MSRB2: variants seen among roughly 807,000 people sequenced by gnomAD.
The protein encoded by MSRB2 is methionine-R-sulfoxide reductase B2, mitochondrial.
In MSRB2, 17 loss-of-function variants were observed where a neutral mutation model predicts 19.0. The ratio of observed to expected loss-of-function variants is 0.89; its 90% CI spans 0.61 to 1.34. The LOEUF is 1.34. Ranked by LOEUF, MSRB2 falls within the 40% of genes most tolerant of loss-of-function variation. The probability of loss-of-function intolerance (pLI) is 0.00; values close to 1 mark genes in which losing one functional copy is unlikely to be tolerated. For missense variants in MSRB2, 208 were observed against 237.6 expected (o/e 0.88, Z 0.82); for synonymous variants, 107 against 99.7 (o/e 1.07, Z -0.44).
At chr10:23,118,767 G>A (rs1840146178) in intron 3 of MSRB2, among the ~76,000 whole-genome samples, 1 of 152,180 alleles carries the variant, frequency 6.6e-6, no homozygotes, top group Non-Finnish European at 1.5e-5. Flanking sequence ...TGAGCAAACT[G>A]AGGCTTCAAG....
At chr10:23,110,346 A>G in intron 3 of MSRB2, 28 bp downstream of exon 3, 1 of 1,582,210 alleles carries the variant, frequency 6.3e-7, no homozygotes, top group South Asian at 1.1e-5. Flanking sequence ...GAGCCACGGA[A>G]GGAGACCAAA....
intron 3 of MSRB2, among the ~76,000 whole-genome samples, chr10:23,116,500 G>T (rs1374602781): frequency 6.6e-6 from 1 of 152,156 alleles, no homozygotes; most frequent in Non-Finnish European, 1.5e-5. Flanking sequence ...TTATTTGGGG[G>T]TAGAAACTTA....
chr10:23,116,259 C>T (rs568304219), intron 3 of MSRB2, among the ~76,000 whole-genome samples: 28 of 152,256 alleles, frequency 1.8e-4, no homozygotes, highest in African/African-American at 5.8e-4. Context: ...TTTATTTCTT[C>T]TAAAGGGTTA....
intron 3 of MSRB2, among the ~76,000 whole-genome samples, chr10:23,112,834 T>C (rs926122864): frequency 1.3e-5 from 2 of 152,184 alleles, no homozygotes; most frequent in African/African-American, 4.8e-5. Context: ...TCCACCCGCT[T>C]TGGCCTCCCA....
At chr10:23,106,596 T>G (rs1839989578) in intron 2 of MSRB2, among the ~76,000 whole-genome samples, 1 of 152,158 alleles carries the variant, frequency 6.6e-6, no homozygotes, top group Admixed American at 6.5e-5. Context: ...AAAGGTGGGA[T>G]GGAGAAATCG....
At chr10:23,108,634 C>G (rs1353115696) in intron 2 of MSRB2, among the ~76,000 whole-genome samples, 1 of 151,902 alleles carries the variant, frequency 6.6e-6, no homozygotes, top group Non-Finnish European at 1.5e-5. Context: ...CTCCACCATG[C>G]CTGGCATTTT....
intron 1 of MSRB2, among the ~76,000 whole-genome samples, chr10:23,101,683 G>T (rs11591816): frequency 1.3e-5 from 2 of 152,152 alleles, no homozygotes; most frequent in Admixed American, 6.5e-5. Flanking sequence ...ACTGGGGAAA[G>T]ATGGTTCCAT....
At chr10:23,100,715 T>G (rs191287184) in intron 1 of MSRB2, among the ~76,000 whole-genome samples, 3 of 152,282 alleles carry the variant, frequency 2.0e-5, no homozygotes, top group Admixed American at 1.3e-4. Flanking sequence ...TATGTCCCCA[T>G]GATTTAATCA....
intron 3 of MSRB2, among the ~76,000 whole-genome samples, chr10:23,112,329 A>G (rs901137812): frequency 1.3e-5 from 2 of 152,212 alleles, no homozygotes; most frequent in African/African-American, 4.8e-5. Flanking sequence ...AGATGCACTC[A>G]TTTATGGGAG....
chr10:23,096,352 C>CTCTCTGTGTGTGTGTG (rs144653384), intron 1 of MSRB2, among the ~76,000 whole-genome samples: 22,524 of 142,658 alleles, frequency 0.16, 1,950 homozygotes, highest in South Asian at 0.2. Flanking sequence ...CTCTCTCTCT[C>CTCTCTGTGTGTGTGTG]TGTGTGTGTG....
chr10:23,109,415 C>CTA (rs1189972971), intron 2 of MSRB2, among the ~76,000 whole-genome samples: 1 of 151,948 alleles, frequency 6.6e-6, no homozygotes, highest in Non-Finnish European at 1.5e-5. Flanking sequence ...TGGTGGCGTG[C>CTA]ACCTGTAGTC....
At chr10:23,106,170 A>C (rs1839985348) in intron 2 of MSRB2, among the ~76,000 whole-genome samples, 1 of 152,220 alleles carries the variant, frequency 6.6e-6, no homozygotes, top group Admixed American at 6.5e-5. Context: ...AGCATCATTC[A>C]TTATTTTAAC....
chr10:23,121,900 A>G lies in MSRB2; in HGVS notation c.*1038A>G, dbSNP rs562524560. 6.6e-6 allele frequency: 1 copy of G among 152,136 alleles called. No individual in the cohort carries two copies. The highest frequency in any genetic ancestry group is 1.5e-5 in the Non-Finnish European group (1 of 68,020). The allele number at this position is 152,136 out of a possible 1,614,324, so 9.4% of individuals were successfully genotyped here. ...TTCCAACCATTCTACCCACAAATAA[A>G]CTGCAATAGGACTTGGTTAGATTTC... On this transcript the variant is annotated 3_prime_UTR_variant, in exon 5 of 5. Transcript: ENST00000376510.
intron 1 of MSRB2, among the ~76,000 whole-genome samples, chr10:23,101,961 T>C (rs1404724297): frequency 1.3e-5 from 2 of 152,244 alleles, no homozygotes; most frequent in Non-Finnish European, 2.9e-5. Context: ...TGTCTCTGTC[T>C]TTCATGACCT....
chr10:23,110,446 AT>A, intron 3 of MSRB2, 128 bp downstream of exon 3: 1 of 714,254 alleles, frequency 1.4e-6, no homozygotes, highest in South Asian at 1.9e-5. Context: ...TGCTCTTCTC[AT>A]TTTGCATTGT....
At chr10:23,105,212 C>CTGTGTGTGTGTGTG (rs36039793) in intron 2 of MSRB2, among the ~76,000 whole-genome samples, 102 of 147,172 alleles carry the variant, frequency 6.9e-4, no homozygotes, top group African/African-American at 2.4e-3. Context: ...CTCTGTGTGT[C>CTGTGTGTGTGTGTG]TGTGTGTGTG....
chr10:23,099,795 G>A (rs1409010450), intron 1 of MSRB2, among the ~76,000 whole-genome samples: 1 of 152,212 alleles, frequency 6.6e-6, no homozygotes, highest in Admixed American at 6.5e-5. Flanking sequence ...TCTAATACGT[G>A]TAACAAAATA....
chr10:23,120,860 T>C lies in MSRB2; in HGVS notation c.547T>C (p.Ter183ArgextTer24). 6.2e-7 allele frequency: 1 copy of C among 1,612,880 alleles called. No homozygotes were observed. The highest frequency in any genetic ancestry group is 8.5e-7 in the Non-Finnish European group (1 of 1,179,086). ...TTTGAAGTTCAAACCAAGGAAACACTGACCATCTTCAAGAGTCCCGTTCCC... is the reference window on the plus strand; with the variant it reads ...TTTGAAGTTCAAACCAAGGAAACACCGACCATCTTCAAGAGTCCCGTTCCC... ...VALKFKPRKH[*>R] The change falls in exon 5 of 5, where the codon TGA becomes CGA. Residue 183 changes from the stop codon to arginine, a stop_lost. Transcript: ENST00000376510.
intron 3 of MSRB2, among the ~76,000 whole-genome samples, chr10:23,116,013 AG>A (rs767819101): frequency 3.3e-5 from 5 of 152,128 alleles, no homozygotes; most frequent in Non-Finnish European, 5.9e-5. Flanking sequence ...GAACCCCTGG[AG>A]GAGGGTTGCA....
Sources: gnomAD v4.1 joint callset for allele counts (sites outside exome capture counted in the v4.1 genomes callset) on GRCh38, gnomAD v4.1.1 for gene constraint, MANE v1.5 for transcripts, NCBI Gene and HGNC (gene_info 2026-07-23, HGNC 2026-07-21) for gene names.